Variants in TEX19 observed in about 807,000 individuals in gnomAD.
TEX19 encodes the protein testis expressed 19, also known as testis-expressed protein 19.
For synonymous variants in TEX19, 77 were observed against 73.9 expected (o/e 1.04, Z -0.21); for missense variants, 184 against 194.4 (o/e 0.95, Z 0.32).
chr17:82,362,336 G>A lies in TEX19; in HGVS notation c.186G>A (p.Glu62=). Residue 62 remains glutamate (E), a synonymous_variant, in exon 2 of 2, where the codon GAG becomes GAA. Coordinates refer to ENST00000333437, the MANE Select transcript of TEX19 (RefSeq NM_207459.4). The surrounding 1 kb of genome is among the most constrained non-coding windows in gnomAD (Gnocchi z 5.5). ...EDWEEDNWDP[E]LMEHTEAESE... Reference sequence around the variant, plus strand: ...GGGAAGAAGACAACTGGGACCCTGAGCTGATGGAGCACACTGAGGCAGAGT... The same window carrying A: ...GGGAAGAAGACAACTGGGACCCTGAACTGATGGAGCACACTGAGGCAGAGT... The A allele has an allele frequency of 6.2e-7, 1 of 1,613,840 alleles. No individual in the cohort carries two copies. The highest frequency in any genetic ancestry group is 8.5e-7 in the Non-Finnish European group (1 of 1,180,026).
chr17:82,360,036 C>A (rs1328395721), intron 1 of TEX19, among the ~76,000 whole-genome samples: 1 of 128,748 alleles, frequency 7.8e-6, no homozygotes. Flanking sequence ...CAGGTTCCCC[C>A]AGTTTCCCCC....
Position 82,362,669 on chromosome 17 carries a change from G to T in TEX19, c.*24G>T. ...AGCAGGGGTTTCTCAAAGTGGACCT[G>T]CCCCCAGGGGAGCCCGTGGTGTTGA... On this transcript the variant is annotated 3_prime_UTR_variant, in exon 2 of 2. Transcript: ENST00000333437. The surrounding 1 kb of genome is among the most constrained non-coding windows in gnomAD (Gnocchi z 5.5). 1.3e-6 allele frequency: 2 copies of T among 1,522,486 alleles called. No individual in the cohort carries two copies. Among genetic ancestry groups the T allele is most frequent in the Non-Finnish European group, 1.8e-6 (2 of 1,138,854 alleles). 94.3% of individuals were successfully genotyped at this position (1,522,486 alleles called of 1,614,324 possible).
intron 1 of TEX19, among the ~76,000 whole-genome samples, chr17:82,360,727 T>G (rs2052381120): frequency 8.9e-6 from 1 of 112,204 alleles, no homozygotes. Flanking sequence ...TTCCCTCAAG[T>G]TTCCCTCAGG....
intron 1 of TEX19, among the ~76,000 whole-genome samples, chr17:82,361,440 T>G (rs866539356): frequency 1.0e-3 from 120 of 116,986 alleles, no homozygotes; most frequent in Non-Finnish European, 1.6e-3. Flanking sequence ...GTTCCCTCAG[T>G]TTCCCCCAGT....
At chr17:82,360,218 CAGTTTCCCTCA>C (rs201699409) in intron 1 of TEX19, among the ~76,000 whole-genome samples, 2 of 72,554 alleles carry the variant, frequency 2.8e-5, no homozygotes, top group Non-Finnish European at 5.5e-5. Context: ...CAGTTTCCCC[CAGTTTCCCTCA>C]AGTTTCCCTC....
At chr17:82,360,550 C>T (rs1248827307) in intron 1 of TEX19, among the ~76,000 whole-genome samples, 607 of 64,694 alleles carry the variant, frequency 9.4e-3, no homozygotes, top group Middle Eastern at 0.022. Flanking sequence ...TCAGTTTCCC[C>T]CAGTTTCCCT....
At chr17:82,359,933 T>C (rs1174304835) in intron 1 of TEX19, among the ~76,000 whole-genome samples, 2 of 75,190 alleles carry the variant, frequency 2.7e-5, no homozygotes, top group Non-Finnish European at 2.5e-5. Flanking sequence ...TCAGTTTCCC[T>C]CAAGTTTCCC....
chr17:82,362,047 C>T lies in TEX19; in HGVS notation c.-104C>T, dbSNP rs1360412825. 18 of 1,434,042 alleles carry T rather than the reference C, an allele frequency of 1.3e-5. No homozygotes were observed. Among genetic ancestry groups the T allele is most frequent in the Admixed American group, 2.2e-5 (1 of 45,346 alleles). 88.8% of individuals were successfully genotyped at this position (1,434,042 alleles called of 1,614,324 possible). A position where few individuals can be genotyped will look rare whatever the true frequency, so the allele number is the denominator to read the frequency against. ...TGCTCCTTGTCCCCTTCATCCCTGC[C>T]GCCCAGCATCCTACTGGCCTCAGCA... On this transcript the variant is annotated 5_prime_UTR_variant, in exon 2 of 2. Transcript: ENST00000333437. This position sits in a 1 kb window ranked among gnomAD's most constrained non-coding sequence, Gnocchi z 5.5.
At chr17:82,359,402 C>T (rs547012310) in intron 1 of TEX19, 117 bp downstream of exon 1, 14 of 151,476 alleles carry the variant, frequency 9.2e-5, no homozygotes, top group African/African-American at 3.4e-4. Context: ...CTCAGTTTCC[C>T]TCAAATTTCC....
At chr17:82,360,175 C>T in intron 1 of TEX19, among the ~76,000 whole-genome samples, 1 of 76,674 alleles carries the variant, frequency 1.3e-5, no homozygotes, top group Admixed American at 1.2e-4. Flanking sequence ...CCTCAGTTTC[C>T]CTCAGGTTCC....
rs769889679 is a variant in TEX19, at chr17:82,362,348, C to A, written c.198C>A (p.His66Gln). 3.1e-6 allele frequency: 5 copies of A among 1,613,760 alleles called. No homozygotes were observed. Among genetic ancestry groups the A allele is most frequent in the Non-Finnish European group, 8.5e-7 (1 of 1,180,026 alleles). Residue 66 changes from histidine to glutamine, a missense_variant, in exon 2 of 2, where the codon CAC (histidine) becomes CAA (glutamine). His to Gln is a conservative substitution (Grantham distance 24). Transcript: ENST00000333437. This position sits in a 1 kb window ranked among gnomAD's most constrained non-coding sequence, Gnocchi z 5.5. ...ACTGGGACCCTGAGCTGATGGAGCA[C>A]ACTGAGGCAGAGTCAGAGCAGGAGG... ...EDNWDPELME[H>Q]TEAESEQEGS...
At chr17:82,361,481 T>C (rs1388458128) in intron 1 of TEX19, among the ~76,000 whole-genome samples, 1 of 142,240 alleles carries the variant, frequency 7.0e-6, no homozygotes, top group Non-Finnish European at 1.5e-5. Flanking sequence ...TTCCCCCAGT[T>C]TCTCTCAGGT....
At position 82,362,291 on chromosome 17, in the gene TEX19, C is replaced by G. The variant is rs747835900; in HGVS notation, c.141C>G (p.Asp47Glu). The change falls in exon 2 of 2, where the codon GAC (aspartate) becomes GAG (glutamate). Residue 47 changes from aspartate to glutamate, a missense_variant. Transcript: ENST00000333437. The surrounding 1 kb of genome is among the most constrained non-coding windows in gnomAD (Gnocchi z 5.5). ...CFKAAFLDFK[D>E]LLESEDWEED... ...AGGCTGCCTTTCTAGACTTTAAAGA[C>G]TTGCTGGAGTCAGAGGACTGGGAAG... 1 of 1,614,052 alleles carries G rather than the reference C, an allele frequency of 6.2e-7. No individual in the cohort carries two copies. The highest frequency in any genetic ancestry group is 2.2e-5 in the East Asian group (1 of 44,888).
rs191716024 is a variant in TEX19, at chr17:82,363,021, A to G, written c.*376A>G. The G allele has an allele frequency of 7.1e-4, 132 of 185,084 alleles. 2 individuals carry two copies. In the Admixed American group the frequency reaches 7.4e-3, roughly 10 times the overall value. 11.5% of individuals were successfully genotyped at this position (185,084 alleles called of 1,614,324 possible). On this transcript the variant is annotated 3_prime_UTR_variant, in exon 2 of 2. Transcript: ENST00000333437. ...GAGGATTCACCATAGTCTCTTATTC[A>G]CCCTGGACCAACAGGGAGAGCAAGA...
chr17:82,359,458 TTTCCCTCAGTTTCCCTCAGG>T (rs1156485638), intron 1 of TEX19, among the ~76,000 whole-genome samples, 173 bp downstream of exon 1: 10 of 141,090 alleles, frequency 7.1e-5, no homozygotes, highest in Admixed American at 7.0e-4. Context: ...TTCCCTCAAA[TTTCCCTCAGTTTCCCTCAGG>T]TTCCCTCAGT....
chr17:82,362,108 C>G lies in TEX19; in HGVS notation c.-43C>G. On this transcript the variant is annotated 5_prime_UTR_variant, in exon 2 of 2. Transcript: ENST00000333437. The surrounding 1 kb of genome is among the most constrained non-coding windows in gnomAD (Gnocchi z 5.5). The stretch of plus-strand genomic sequence containing the variant: ...GACCGTCCAAGATCCTCTGAAGGCC[C>G]AGCTCTTGCTGTCCACCCCGGCAGT... 1 of 1,565,412 alleles carries G rather than the reference C, an allele frequency of 6.4e-7. No homozygotes were observed. Among genetic ancestry groups the G allele is most frequent in the Non-Finnish European group, 8.6e-7 (1 of 1,159,032 alleles).
At position 82,362,239 on chromosome 17, in the gene TEX19, A is replaced by C; in HGVS notation, c.89A>C (p.Gln30Pro). Residue 30 changes from glutamine to proline, a missense_variant, in exon 2 of 2, where the codon CAG becomes CCG. Physicochemically the swap from Gln to Pro is moderately conservative, Grantham distance 76. Coordinates refer to ENST00000333437, the MANE Select transcript of TEX19 (RefSeq NM_207459.4). The surrounding 1 kb of genome is among the most constrained non-coding windows in gnomAD (Gnocchi z 5.5). ...SWMYQLQHGD[Q>P]LSICFTCFKA... ...ATGTATCAGCTTCAACATGGAGATC[A>C]GCTAAGCATTTGCTTCACCTGCTTC... The C allele has an allele frequency of 6.2e-7, 1 of 1,613,992 alleles. No individual in the cohort carries two copies. The highest frequency in any genetic ancestry group is 1.1e-5 in the South Asian group (1 of 91,090).
At chr17:82,361,470 T>G (rs1237692281) in intron 1 of TEX19, among the ~76,000 whole-genome samples, 38 of 136,148 alleles carry the variant, frequency 2.8e-4, no homozygotes, top group Non-Finnish European at 4.5e-4. Flanking sequence ...GTTCCCTCAG[T>G]TTCCCCCAGT....
chr17:82,360,953 C>T (rs1441338627), intron 1 of TEX19, among the ~76,000 whole-genome samples: 15 of 137,116 alleles, frequency 1.1e-4, no homozygotes, highest in Non-Finnish European at 2.3e-4. Context: ...CCTCAGTTTC[C>T]CTCAGGTTCC....
Sources: gnomAD v4.1 joint callset for allele counts (sites outside exome capture counted in the v4.1 genomes callset) on GRCh38, gnomAD v4.1.1 for gene constraint, Gnocchi (gnomAD v3.1) non-coding constraint, MANE v1.5 for transcripts, NCBI Gene and HGNC (gene_info 2026-07-23, HGNC 2026-07-21) for gene names.